The following KCNMB1 variants were observed in gnomAD, a reference collection of about 807,000 sequenced individuals.
The protein encoded by KCNMB1 is potassium calcium-activated channel subfamily M regulatory beta subunit 1.
KCNMB1 carries 22 observed loss-of-function variants against 21.7 expected under a neutral mutation model. The ratio of observed to expected loss-of-function variants is 1.01; its 90% CI spans 0.72 to 1.45. KCNMB1 has a LOEUF of 1.45. Among genes scored for constraint, KCNMB1 ranks in the 40% most tolerant of loss-of-function variants. KCNMB1 has a pLI of 0.00. For synonymous variants in KCNMB1, 114 were observed against 107.6 expected (o/e 1.06, Z -0.37); for missense variants, 243 against 243.4 (o/e 1.00, Z 0.01).
intron 2 of KCNMB1, 28 bp downstream of exon 2, chr5:170,385,286 G>T (rs746439777): frequency 6.2e-7 from 1 of 1,613,454 alleles, no homozygotes; most frequent in Admixed American, 1.7e-5. Context: ...GAGGGTTGGG[G>T]GGTGGGCAGG....
chr5:170,384,386 A>G (rs1341306073), intron 2 of KCNMB1, among the ~76,000 whole-genome samples: 1 of 152,200 alleles, frequency 6.6e-6, no homozygotes, highest in African/African-American at 2.4e-5. Context: ...TAAAAGGAGC[A>G]GATGTAGAAG....
chr5:170,379,074 C>T (rs1183688934), intron 3 of KCNMB1, 101 bp from the exon 4 acceptor site: 3 of 1,417,908 alleles, frequency 2.1e-6, no homozygotes, highest in African/African-American at 2.9e-5. Flanking sequence ...GTAGTCGGGC[C>T]CCTGGATTGG....
chr5:170,385,816 G>T (rs1159742230), intron 1 of KCNMB1, among the ~76,000 whole-genome samples: 1 of 151,998 alleles, frequency 6.6e-6, no homozygotes, highest in Non-Finnish European at 1.5e-5. Flanking sequence ...TTGCAGAAAT[G>T]ATTAAGATAA....
At position 170,385,331 on chromosome 5, in the gene KCNMB1, C is replaced by T; in HGVS notation, c.117G>A (p.Leu39=). 1 of 1,614,090 alleles carries T rather than the reference C, an allele frequency of 6.2e-7. No individual in the cohort carries two copies. The highest frequency in any genetic ancestry group is 8.5e-7 in the Non-Finnish European group (1 of 1,180,012). ...CTCAGTACCTTTTCTGGTAGAGGGG[C>T]AGCACAGTCGTGACCAGGATGTAGT... ...ITYYILVTTV[L]PLYQKSVWTQ... is the part of the protein sequence containing the mutation. Residue 39 remains leucine, a synonymous_variant, in exon 2 of 4, where the codon CTG becomes CTA. Coordinates refer to ENST00000274629, the MANE Select transcript of KCNMB1 (RefSeq NM_004137.4).
Position 170,379,103 on chromosome 5 carries a change from A to C in KCNMB1, c.307-130T>G, listed in dbSNP as rs1764133212. The C allele has an allele frequency of 6.2e-6, 7 of 1,136,446 alleles. No homozygotes were observed. In the East Asian group the frequency reaches 1.5e-4, roughly 24 times the overall value. The allele number at this position is 1,136,446 out of a possible 1,614,324, so 70.4% of individuals were successfully genotyped here. Reference sequence around the variant, plus strand: ...GGATTGGAGTCGGGGCTTTGGTCTAAAGCTTGGCAGGCCATGCGCTGTACA... The same window carrying C: ...GGATTGGAGTCGGGGCTTTGGTCTACAGCTTGGCAGGCCATGCGCTGTACA... On this transcript the variant is annotated intron_variant, in intron 3 of 3. Transcript: ENST00000274629.
intron 1 of KCNMB1, among the ~76,000 whole-genome samples, chr5:170,387,439 C>A (rs555609807): frequency 4.5e-4 from 69 of 152,306 alleles, no homozygotes; most frequent in African/African-American, 1.6e-3. Flanking sequence ...CATACCCGGG[C>A]ATCTCCGCTA....
chr5:170,387,060 A>G (rs1764504966), intron 1 of KCNMB1, among the ~76,000 whole-genome samples: 1 of 152,112 alleles, frequency 6.6e-6, no homozygotes, highest in African/African-American at 2.4e-5. Flanking sequence ...ATGGTTCCGC[A>G]AGCTGTCCTA....
At chr5:170,381,713 C>T (rs1028874904) in intron 3 of KCNMB1, among the ~76,000 whole-genome samples, 1 of 152,242 alleles carries the variant, frequency 6.6e-6, no homozygotes, top group African/African-American at 2.4e-5. Flanking sequence ...TCAGGGGATG[C>T]TCCTCTGAGC....
chr5:170,376,849 C>T lies in KCNMB1; in HGVS notation c.*1855G>A, dbSNP rs759944419. 13 of 152,064 alleles carry T rather than the reference C, an allele frequency of 8.5e-5. No individual in the cohort carries two copies. Among genetic ancestry groups the T allele is most frequent in the Non-Finnish European group, 1.3e-4 (9 of 68,032 alleles). 9.4% of individuals were successfully genotyped at this position (152,064 alleles called of 1,614,324 possible). Reference sequence around the variant, plus strand: ...AGTGTACCTATGTAACAAACCTGAACGTGTACCCTGCAACTTAAAATGAAA... The same window carrying T: ...AGTGTACCTATGTAACAAACCTGAATGTGTACCCTGCAACTTAAAATGAAA... On this transcript the variant is annotated 3_prime_UTR_variant, in exon 4 of 4. Coordinates refer to ENST00000274629, the MANE Select transcript of KCNMB1 (RefSeq NM_004137.4).
At chr5:170,386,231 G>A (rs1764466830) in intron 1 of KCNMB1, among the ~76,000 whole-genome samples, 1 of 152,196 alleles carries the variant, frequency 6.6e-6, no homozygotes, top group Non-Finnish European at 1.5e-5. Flanking sequence ...TAATAAGAGG[G>A]AAGTGAAGGG....
At position 170,374,858 on chromosome 5, in the gene KCNMB1, T is replaced by G. The variant is rs918756887; in HGVS notation, c.*3846A>C. ...GTGGCATTTGCTAGAAGGCCAGTCT[T>G]TATTGACAGGAGGAGAACATCTATC... On this transcript the variant is annotated 3_prime_UTR_variant, in exon 4 of 4. Transcript: ENST00000274629. The G allele has an allele frequency of 1.3e-5, 2 of 152,182 alleles. No homozygotes were observed. Among genetic ancestry groups the G allele is most frequent in the African/African-American group, 4.8e-5 (2 of 41,452 alleles). 9.4% of individuals were successfully genotyped at this position (152,182 alleles called of 1,614,324 possible). A position where few individuals can be genotyped will look rare whatever the true frequency, so the allele number is the denominator to read the frequency against.
intron 1 of KCNMB1, among the ~76,000 whole-genome samples, chr5:170,388,402 A>G (rs1180020011): frequency 2.0e-5 from 3 of 152,250 alleles, no homozygotes; most frequent in African/African-American, 4.8e-5. Flanking sequence ...AGGGACAGAA[A>G]GAAAAGGAAG....
intron 3 of KCNMB1, chr5:170,382,612 T>A (rs1764286839): frequency 6.6e-6 from 1 of 151,842 alleles, no homozygotes; most frequent in South Asian, 2.1e-4. Context: ...ATGCCTTGCA[T>A]CCTGCGCCTG....
rs1763972304 is a variant in KCNMB1, at chr5:170,375,724, G to A, written c.*2980C>T. 2 of 152,262 alleles carry A rather than the reference G, an allele frequency of 1.3e-5. No homozygotes were observed. The highest frequency in any genetic ancestry group is 4.8e-5 in the African/African-American group (2 of 41,452). The allele number at this position is 152,262 out of a possible 1,614,324, so 9.4% of individuals were successfully genotyped here. ...AGCCCCTCACTTTACAGATGGCCTT[G>A]GCCAGTTACCTCTTACAGCCTCAGT... On this transcript the variant is annotated 3_prime_UTR_variant, in exon 4 of 4. Transcript: ENST00000274629.
chr5:170,383,947 G>A, intron 2 of KCNMB1, 97 bp from the exon 3 acceptor site: 2 of 1,332,892 alleles, frequency 1.5e-6, no homozygotes, highest in South Asian at 1.4e-5. Context: ...GCCTCTAGAG[G>A]GATCCAGGAC....
At chr5:170,384,282 A>G (rs1162459883) in intron 2 of KCNMB1, among the ~76,000 whole-genome samples, 1 of 152,222 alleles carries the variant, frequency 6.6e-6, no homozygotes, top group Non-Finnish European at 1.5e-5. Context: ...TTGCAGAGGC[A>G]GAAGAGAAAC....
Position 170,383,843 on chromosome 5 carries a change from T to A in KCNMB1, c.142A>T (p.Thr48Ser), listed in dbSNP as rs1428750363. Residue 48 changes from threonine to serine, a missense_variant, in exon 3 of 4, where the codon ACC (threonine) becomes TCC (serine). Thr to Ser is a moderately conservative substitution (Grantham distance 58). Transcript: ENST00000274629. ...ATCAGGTGGCACTTGGATTCCTGGG[T>A]CCACACGCTGAGGAGACCACACACA... is the stretch of plus-strand genomic sequence containing the variant. The part of the protein sequence containing the change: ...VLPLYQKSVW[T>S]QESKCHLIET... The A allele has an allele frequency of 6.2e-7, 1 of 1,613,856 alleles. No individual in the cohort carries two copies. Among genetic ancestry groups the A allele is most frequent in the South Asian group, 1.1e-5 (1 of 91,028 alleles).
At chr5:170,379,747 G>C (rs1377570261) in intron 3 of KCNMB1, among the ~76,000 whole-genome samples, 1 of 152,104 alleles carries the variant, frequency 6.6e-6, no homozygotes, top group Non-Finnish European at 1.5e-5. Context: ...CCAGGAGTTC[G>C]AGACTAGCCT....
At position 170,378,841 on chromosome 5, in the gene KCNMB1, G is replaced by C; in HGVS notation, c.439C>G (p.Leu147Val). ...TGGGGCCCGTAGAGGCGCTGGAATA[G>C]GACGCTGGTTTCGTTCCCCCGAGGT... ...SAPRGNETSV[L>V]FQRLYGPQAL... Residue 147 changes from leucine (L) to valine (V), a missense_variant, in exon 4 of 4, where the codon CTA becomes GTA. Transcript: ENST00000274629. 2 of 1,614,262 alleles carry C rather than the reference G, an allele frequency of 1.2e-6. No homozygotes were observed. The highest frequency in any genetic ancestry group is 1.7e-6 in the Non-Finnish European group (2 of 1,180,048).
Sources: allele counts gnomAD v4.1 joint callset (sites outside exome capture counted in the v4.1 genomes callset), GRCh38; gene constraint gnomAD v4.1.1; transcripts MANE v1.5; gene names NCBI Gene and HGNC (gene_info 2026-07-23, HGNC 2026-07-21).